SORCS1: variants seen among roughly 807,000 people sequenced by gnomAD.
The protein encoded by SORCS1 is sortilin related VPS10 domain containing receptor 1.
Under a neutral mutation model 146.1 loss-of-function variants are expected in SORCS1, and 60 were observed. The observed-to-expected ratio is 0.41, with a 90% CI of 0.33 to 0.51. The LOEUF (loss-of-function observed/expected upper bound fraction) is 0.51, where lower values mean the gene tolerates loss of function less well. Ranked by LOEUF, SORCS1 falls within the 20% of genes least tolerant of loss-of-function variation. The pLI is 0.21. For missense variants in SORCS1, 1,352 were observed against 1,487.6 expected (o/e 0.91, Z 1.50); for synonymous variants, 637 against 584.0 (o/e 1.09, Z -1.31).
At chr10:106,840,064 A>G (rs1323907644) in intron 2 of SORCS1, among the ~76,000 whole-genome samples, 1 of 152,212 alleles carries the variant, frequency 6.6e-6, no homozygotes, top group Non-Finnish European at 1.5e-5. Context: ...CACAACATCT[A>G]TTCTGTACTC....
At chr10:106,594,422 T>C (rs1052603629) in intron 24 of SORCS1, among the ~76,000 whole-genome samples, 1 of 152,218 alleles carries the variant, frequency 6.6e-6, no homozygotes, top group African/African-American at 2.4e-5. Context: ...ATATCCATCA[T>C]TTCAATCATT....
At position 106,947,921 on chromosome 10, in the gene SORCS1, A is replaced by T. The variant is rs972079431; in HGVS notation, c.626+8592T>A. ...TGTTAAAAGGATAAAAGAACTGAAAACACTTCTTGGTATGTAGGAAGCAAT... is the reference window on the plus strand; with the variant it reads ...TGTTAAAAGGATAAAAGAACTGAAATCACTTCTTGGTATGTAGGAAGCAAT... On this transcript the variant is annotated intron_variant, in intron 2 of 25. Transcript: ENST00000263054. 7.9e-5 allele frequency among the ~76,000 whole-genome samples: 12 copies of T among 152,106 alleles called. No individual in the cohort carries two copies. In the East Asian group the frequency reaches 2.3e-3, roughly 29 times the overall value.
chr10:106,887,329 C>G (rs1951038147), intron 2 of SORCS1, among the ~76,000 whole-genome samples: 1 of 152,098 alleles, frequency 6.6e-6, no homozygotes, highest in Non-Finnish European at 1.5e-5. Context: ...CACATCTTTA[C>G]AGTATTTTGG....
chr10:106,806,799 G>A (rs1432436945), intron 3 of SORCS1, among the ~76,000 whole-genome samples: 3 of 151,880 alleles, frequency 2.0e-5, no homozygotes, highest in Non-Finnish European at 4.4e-5. Context: ...ACAGGCGTGA[G>A]CCACCGCACC....
At chr10:106,716,637 T>C (rs545390887) in intron 6 of SORCS1, among the ~76,000 whole-genome samples, 5 of 152,300 alleles carry the variant, frequency 3.3e-5, no homozygotes, top group African/African-American at 1.2e-4. Flanking sequence ...AACAGCCTTT[T>C]CCTTTCCTGT....
intron 2 of SORCS1, among the ~76,000 whole-genome samples, chr10:106,861,135 T>C (rs548999462): frequency 1.1e-4 from 17 of 152,320 alleles, no homozygotes; most frequent in African/African-American, 4.1e-4. Flanking sequence ...CAGTGGCTCA[T>C]GCCTGTAATC....
chr10:107,026,768 A>G (rs1466690490), intron 1 of SORCS1, among the ~76,000 whole-genome samples: 1 of 152,126 alleles, frequency 6.6e-6, no homozygotes, highest in African/African-American at 2.4e-5. Flanking sequence ...GACCCTTCAC[A>G]TTGACAGTAA....
At chr10:107,139,355 T>A (rs939622821) in intron 1 of SORCS1, among the ~76,000 whole-genome samples, 2 of 151,980 alleles carry the variant, frequency 1.3e-5, no homozygotes, top group Non-Finnish European at 2.9e-5. Context: ...AAAAAAAAAG[T>A]CAAGACAAAA....
intron 3 of SORCS1, among the ~76,000 whole-genome samples, chr10:106,780,105 C>G (rs973512349): frequency 6.6e-6 from 1 of 152,074 alleles, no homozygotes; most frequent in African/African-American, 2.4e-5. Context: ...CCTTAACATA[C>G]TTGAGAAACA....
chr10:107,029,535 A>T (rs1442494703), intron 1 of SORCS1, among the ~76,000 whole-genome samples: 2 of 152,156 alleles, frequency 1.3e-5, no homozygotes, highest in Non-Finnish European at 2.9e-5. Context: ...TTCCAGCAAA[A>T]TCCTAAGAGT....
intron 24 of SORCS1, among the ~76,000 whole-genome samples, chr10:106,584,435 A>G (rs1202210235): frequency 6.6e-6 from 1 of 152,194 alleles, no homozygotes; most frequent in Non-Finnish European, 1.5e-5. Flanking sequence ...GTTCCTATGT[A>G]ACCAAACCAA....
the SORCS1 span, among the ~76,000 whole-genome samples, chr10:107,176,403 A>C: frequency 5.4e-5 from 8 of 148,130 alleles, no homozygotes; most frequent in African/African-American, 1.5e-4. Context: ...TGGTGTGATC[A>C]CTTCTTGCTG....
chr10:107,073,525 T>C (rs1251461868), intron 1 of SORCS1, among the ~76,000 whole-genome samples: 5 of 152,176 alleles, frequency 3.3e-5, no homozygotes, highest in African/African-American at 1.2e-4. Context: ...TGAATACTAA[T>C]GCTGGCAGCC....
chr10:106,792,832 T>C (rs1272388852), intron 3 of SORCS1, among the ~76,000 whole-genome samples: 1 of 152,150 alleles, frequency 6.6e-6, no homozygotes, highest in East Asian at 1.9e-4. Flanking sequence ...ATAATAAATA[T>C]TCAAAAAAAT....
At chr10:107,087,739 C>T (rs1025881655) in intron 1 of SORCS1, among the ~76,000 whole-genome samples, 1 of 152,168 alleles carries the variant, frequency 6.6e-6, no homozygotes, top group Non-Finnish European at 1.5e-5. Context: ...GTAACATTTA[C>T]CATGAAGATG....
chr10:107,174,612 A>T, the SORCS1 span, among the ~76,000 whole-genome samples: 48 of 152,270 alleles, frequency 3.2e-4, no homozygotes, highest in African/African-American at 1.1e-3. Flanking sequence ...GAATATAAAA[A>T]CAAAATTAAT....
upstream of SORCS1, among the ~76,000 whole-genome samples, chr10:107,166,208 A>G (rs1051037951): frequency 6.6e-6 from 1 of 152,240 alleles, no homozygotes; most frequent in Non-Finnish European, 1.5e-5. Context: ...TCATTTTCAT[A>G]CTAGAATAAT....
chr10:106,860,380 C>A (rs1303240712), intron 2 of SORCS1, among the ~76,000 whole-genome samples: 1 of 152,170 alleles, frequency 6.6e-6, no homozygotes, highest in East Asian at 1.9e-4. Flanking sequence ...GGGGTCAAAT[C>A]TTCATAGGCT....
chr10:106,786,978 C>T (rs1023589012), intron 3 of SORCS1, among the ~76,000 whole-genome samples: 4 of 152,176 alleles, frequency 2.6e-5, no homozygotes, highest in Non-Finnish European at 2.9e-5. Flanking sequence ...TTTAGTCCCT[C>T]TCAGGGACAT....
Sources: allele counts gnomAD v4.1 joint callset (sites outside exome capture counted in the v4.1 genomes callset), GRCh38; gene constraint gnomAD v4.1.1; transcripts MANE v1.5; gene names NCBI Gene and HGNC (gene_info 2026-07-23, HGNC 2026-07-21).